NPTXR: variants seen among roughly 807,000 people sequenced by gnomAD.
NPTXR encodes the protein neuronal pentraxin receptor.
Under a neutral mutation model 32.2 loss-of-function variants are expected in NPTXR, and 12 were observed. The ratio of observed to expected loss-of-function variants is 0.37; its 90% CI spans 0.24 to 0.60. The LOEUF is 0.60. Among genes scored for constraint, NPTXR ranks in the 20% least tolerant of loss-of-function variants. The pLI, the probability that NPTXR is intolerant of heterozygous loss-of-function variation, is 0.66. For synonymous variants in NPTXR, 323 were observed against 315.8 expected (o/e 1.02, Z -0.24); for missense variants, 612 against 682.9 (o/e 0.90, Z 1.16).
intron 2 of NPTXR, among the ~76,000 whole-genome samples, chr22:38,827,582 G>C (rs1227972857): frequency 1.3e-5 from 2 of 152,132 alleles, no homozygotes; most frequent in African/African-American, 4.8e-5. Flanking sequence ...GCTGGTCCCA[G>C]CTAACTGCTC....
rs184985991 is a variant in NPTXR, at chr22:38,835,189, C to T, written c.625-6677G>A. Among the ~76,000 whole-genome samples, 263 of 152,338 alleles carry T rather than the reference C, an allele frequency of 1.7e-3. 1 individual carries two copies. The highest frequency in any genetic ancestry group is 0.017 in the Middle Eastern group (5 of 294). On this transcript the variant is annotated intron_variant, in intron 1 of 4. Transcript: ENST00000333039. The stretch of plus-strand genomic sequence containing the variant: ...AAAGGCAAATATGGCCCCATGGTTC[C>T]GCAGGTGGCGGTGCTCCCAGCTGGC...
At chr22:38,833,944 T>C (rs1739815806) in intron 1 of NPTXR, among the ~76,000 whole-genome samples, 1 of 152,194 alleles carries the variant, frequency 6.6e-6, no homozygotes, top group South Asian at 2.1e-4. Flanking sequence ...AAACGTTTGG[T>C]TCTTGAGCCT....
chr22:38,836,108 C>T (rs928195902), intron 1 of NPTXR, among the ~76,000 whole-genome samples: 1 of 152,158 alleles, frequency 6.6e-6, no homozygotes, highest in Non-Finnish European at 1.5e-5. Flanking sequence ...CACTACACGC[C>T]CACCGAAACG....
intron 3 of NPTXR, among the ~76,000 whole-genome samples, chr22:38,825,093 C>T (rs2093104351): frequency 6.6e-6 from 1 of 152,204 alleles, no homozygotes; most frequent in South Asian, 2.1e-4. Context: ...GAGTGGATGA[C>T]AGTGATGAGA....
intron 1 of NPTXR, among the ~76,000 whole-genome samples, chr22:38,837,845 T>TTTTTTTTTTATTTTATTTTATTTTA (rs1555883125): frequency 7.1e-6 from 1 of 139,898 alleles, no homozygotes; most frequent in South Asian, 2.4e-4. Context: ...TTATTTTTAT[T>TTTTTTTTTTATTTTATTTTATTTTA]TTTTATTTTA....
chr22:38,839,494 A>C (rs750581643), intron 1 of NPTXR, among the ~76,000 whole-genome samples: 16 of 152,146 alleles, frequency 1.1e-4, no homozygotes, highest in Non-Finnish European at 1.5e-4. Flanking sequence ...AAAAAACAAG[A>C]ATTAGCTGGG....
intron 2 of NPTXR, 66 bp from the exon 3 acceptor site, chr22:38,826,813 C>A: frequency 6.4e-7 from 1 of 1,555,198 alleles, no homozygotes; most frequent in South Asian, 1.2e-5. Context: ...GTGGACAGGG[C>A]ACACTTCAGA....
intron 2 of NPTXR, among the ~76,000 whole-genome samples, chr22:38,827,667 G>A (rs2093109413): frequency 6.6e-6 from 1 of 152,182 alleles, no homozygotes; most frequent in South Asian, 2.1e-4. Context: ...AAAGCTGAAA[G>A]GTCTTTGAGA....
intron 1 of NPTXR, among the ~76,000 whole-genome samples, chr22:38,832,393 G>A (rs1210251864): frequency 6.6e-6 from 1 of 152,260 alleles, no homozygotes; most frequent in African/African-American, 2.4e-5. Context: ...GCAGAAAGGT[G>A]GAGGCTGGGA....
chr22:38,826,442 G>A (rs1017098239), intron 3 of NPTXR, 58 bp downstream of exon 3: 2 of 1,551,812 alleles, frequency 1.3e-6, no homozygotes, highest in East Asian at 2.3e-5. Context: ...AGTGTGGAGT[G>A]GGTGCTTCTG....
chr22:38,832,840 G>A (rs760963342), intron 1 of NPTXR, among the ~76,000 whole-genome samples: 31 of 152,072 alleles, frequency 2.0e-4, no homozygotes, highest in Non-Finnish European at 3.8e-4. Context: ...TGCCTAACTC[G>A]AAGGCAAGCA....
chr22:38,828,043 C>T (rs1214591299), intron 2 of NPTXR, among the ~76,000 whole-genome samples: 31 of 152,176 alleles, frequency 2.0e-4, no homozygotes, highest in Admixed American at 2.0e-3. Flanking sequence ...TGGATTAAAT[C>T]AGCTGATGTA....
chr22:38,843,434 G>T lies in NPTXR; in HGVS notation c.425C>A (p.Ala142Glu), dbSNP rs747132112. 7.2e-7 allele frequency: 1 copy of T among 1,384,580 alleles called. No homozygotes were observed. Among genetic ancestry groups the T allele is most frequent in the Non-Finnish European group, 9.3e-7 (1 of 1,075,850 alleles). The allele number at this position is 1,384,580 out of a possible 1,614,324, so 85.8% of individuals were successfully genotyped here. A position where few individuals can be genotyped will look rare whatever the true frequency, so the allele number is the denominator to read the frequency against. Residue 142 changes from alanine to glutamate, a missense_variant, in exon 1 of 5, where the codon GCG becomes GAG. Coordinates refer to ENST00000333039, the MANE Select transcript of NPTXR (RefSeq NM_014293.4). This position sits in a 1 kb window ranked among gnomAD's most constrained non-coding sequence, Gnocchi z 5.3. ...GGTGTCCTGGTCGGCGCGGATGCGC[G>T]CCTCCTGCTGCAGCGCCGTCTGGCG...
At chr22:38,829,455 C>T (rs1014708088) in intron 1 of NPTXR, among the ~76,000 whole-genome samples, 18 of 152,036 alleles carry the variant, frequency 1.2e-4, no homozygotes, top group African/African-American at 4.3e-4. Flanking sequence ...CAGGTGAGGC[C>T]GCAGGTCCAG....
rs543046550 is a variant in NPTXR at position 38,842,832 on chromosome 22, T to TG, written c.624+402dup. Among the ~76,000 whole-genome samples, 101 of 152,310 alleles carry TG rather than the reference T, an allele frequency of 6.6e-4. No homozygotes were observed. The Middle Eastern group carries it at 0.014, about 21-fold the overall frequency. ...TGGCCATAAAGTGTGAGCGTGGAGC[T>TG]GGGCTGATTTGGGGGTGTCCGGAAG... On this transcript the variant is annotated intron_variant, in intron 1 of 4. Coordinates refer to ENST00000333039, the MANE Select transcript of NPTXR (RefSeq NM_014293.4).
chr22:38,826,770 T>A (rs1378266938), intron 2 of NPTXR, 23 bp from the exon 3 acceptor site: 1 of 1,603,468 alleles, frequency 6.2e-7, no homozygotes, highest in Non-Finnish European at 8.5e-7. Context: ...AAGGCAGACA[T>A]GGTGGAGGTC....
intron 1 of NPTXR, among the ~76,000 whole-genome samples, chr22:38,832,040 T>C (rs713726): frequency 0.67 from 102,510 of 152,022 alleles, 35,741 homozygotes; most frequent in East Asian, 0.85. Context: ...GGGAGGAAGA[T>C]CTGCCAGCAA....
At chr22:38,829,508 G>A (rs2093112872) in intron 1 of NPTXR, among the ~76,000 whole-genome samples, 1 of 152,194 alleles carries the variant, frequency 6.6e-6, no homozygotes, top group South Asian at 2.1e-4. Context: ...TCACAGAAAT[G>A]TCAGTAGGAG....
rs2093094921 is a variant in NPTXR, at chr22:38,820,424, G to A, written c.*2185C>T. ...GTCTCAGGCTAAGTGGCCTCAGGGA[G>A]TGGAGATAGGGAACAAAAAGGCAGG... is the stretch of plus-strand genomic sequence containing the variant. On this transcript the variant is annotated 3_prime_UTR_variant, in exon 5 of 5. Transcript: ENST00000333039. 1 of 152,396 alleles carries A rather than the reference G, an allele frequency of 6.6e-6. No homozygotes were observed. Among genetic ancestry groups the A allele is most frequent in the African/African-American group, 2.4e-5 (1 of 41,436 alleles). The allele number at this position is 152,396 out of a possible 1,614,324, so 9.4% of individuals were successfully genotyped here.
Sources: gnomAD v4.1 joint callset for allele counts (sites outside exome capture counted in the v4.1 genomes callset) on GRCh38, gnomAD v4.1.1 for gene constraint, Gnocchi (gnomAD v3.1) non-coding constraint, MANE v1.5 for transcripts, NCBI Gene and HGNC (gene_info 2026-07-23, HGNC 2026-07-21) for gene names.